Variants in GRID2 observed in about 807,000 individuals in gnomAD.
GRID2 encodes the protein glutamate ionotropic receptor delta type subunit 2.
A neutral mutation model predicts 114.8 loss-of-function variants in GRID2; 33 were observed. The ratio of observed to expected loss-of-function variants is 0.29; its 90% CI spans 0.22 to 0.38. GRID2 has a LOEUF of 0.38. GRID2 is among the 10% of genes least tolerant of loss of function. The pLI, the probability that GRID2 is intolerant of heterozygous loss-of-function variation, is 1.00. For missense variants in GRID2, 1,184 were observed against 1,257.7 expected (o/e 0.94, Z 0.89); for synonymous variants, 505 against 449.9 (o/e 1.12, Z -1.55).
intron 14 of GRID2, among the ~76,000 whole-genome samples, chr4:93,715,287 T>G (rs1294631851): frequency 2.0e-5 from 3 of 152,186 alleles, no homozygotes; most frequent in Non-Finnish European, 4.4e-5. Flanking sequence ...TCCATCGGTC[T>G]ATGTGTCTTT....
chr4:93,614,512 T>C (rs980001560), intron 13 of GRID2, among the ~76,000 whole-genome samples: 1 of 152,146 alleles, frequency 6.6e-6, no homozygotes, highest in Non-Finnish European at 1.5e-5. Context: ...ATATGTTTTA[T>C]TACTTTAACA....
intron 11 of GRID2, among the ~76,000 whole-genome samples, chr4:93,470,993 T>G (rs1022899494): frequency 1.3e-5 from 2 of 152,074 alleles, no homozygotes; most frequent in African/African-American, 4.8e-5. Flanking sequence ...TTTTGTCTAA[T>G]CTATTTTACA....
At chr4:93,674,809 ATTTG>A (rs138162523) in intron 14 of GRID2, among the ~76,000 whole-genome samples, 4,009 of 152,188 alleles carry the variant, frequency 0.026, 71 homozygotes, top group Non-Finnish European at 0.039. Flanking sequence ...TGAGTTTGAA[ATTTG>A]TTTGATTTTT....
chr4:93,134,258 A>T (rs1313012902), intron 4 of GRID2, among the ~76,000 whole-genome samples: 1 of 152,182 alleles, frequency 6.6e-6, no homozygotes, highest in Admixed American at 6.6e-5. Flanking sequence ...GGGTCAGATG[A>T]ATATTGTTTA....
intron 14 of GRID2, among the ~76,000 whole-genome samples, chr4:93,658,835 C>T (rs1350818115): frequency 1.3e-5 from 2 of 152,128 alleles, no homozygotes; most frequent in Non-Finnish European, 2.9e-5. Context: ...TATAGGGAAA[C>T]TGAACGAAGC....
intron 4 of GRID2, among the ~76,000 whole-genome samples, chr4:93,162,349 C>T (rs1438336449): frequency 2.0e-5 from 3 of 151,822 alleles, no homozygotes; most frequent in Non-Finnish European, 4.4e-5. Flanking sequence ...AATTTTCATG[C>T]CTATTAGTGA....
chr4:92,387,563 A>G (rs1246946487), intron 1 of GRID2, among the ~76,000 whole-genome samples: 2 of 151,892 alleles, frequency 1.3e-5, no homozygotes, highest in Non-Finnish European at 2.9e-5. Flanking sequence ...TAGATGGGAG[A>G]CTATGCTGTG....
intron 9 of GRID2, 66 bp from the exon 10 acceptor site, chr4:93,422,705 G>C: frequency 1.0e-6 from 1 of 974,020 alleles, no homozygotes; most frequent in South Asian, 1.4e-5. Context: ...ACTCTTTAAA[G>C]AATTAATCTT....
chr4:93,298,472 T>G (rs1315905885), intron 8 of GRID2, among the ~76,000 whole-genome samples: 2 of 152,192 alleles, frequency 1.3e-5, no homozygotes, highest in African/African-American at 4.8e-5. Flanking sequence ...TCATGAGGGC[T>G]TCACCTAAAT....
chr4:93,569,141 G>C (rs1735705626), intron 13 of GRID2, among the ~76,000 whole-genome samples: 1 of 152,098 alleles, frequency 6.6e-6, no homozygotes, highest in Non-Finnish European at 1.5e-5. Flanking sequence ...CAAACTCTGA[G>C]GCATCACTTA....
chr4:92,704,343 G>T (rs969122923), intron 2 of GRID2, among the ~76,000 whole-genome samples: 5 of 152,054 alleles, frequency 3.3e-5, no homozygotes, highest in Non-Finnish European at 4.4e-5. Flanking sequence ...GGAAGAATTT[G>T]GTATTGAGAG....
chr4:92,330,077 G>T (rs17316960), intron 1 of GRID2, among the ~76,000 whole-genome samples: 6,005 of 151,720 alleles, frequency 0.04, 143 homozygotes, highest in Non-Finnish European at 0.055. Flanking sequence ...GTAGCCAACA[G>T]TGAGGCAGGC....
chr4:92,663,796 T>C (rs1732637251), intron 2 of GRID2, among the ~76,000 whole-genome samples: 1 of 151,004 alleles, frequency 6.6e-6, no homozygotes, highest in Admixed American at 6.6e-5. Flanking sequence ...TAAATCTCTA[T>C]CCTCCTGTCC....
intron 1 of GRID2, among the ~76,000 whole-genome samples, chr4:92,542,647 T>G (rs1407600674): frequency 1.3e-5 from 2 of 149,798 alleles, no homozygotes; most frequent in African/African-American, 2.5e-5. Context: ...GGAAGGGAGG[T>G]GAGGGATAAA....
intron 1 of GRID2, among the ~76,000 whole-genome samples, chr4:92,394,215 T>C (rs1273843829): frequency 6.6e-6 from 1 of 152,152 alleles, no homozygotes; most frequent in Non-Finnish European, 1.5e-5. Context: ...TCATCTGCAA[T>C]TCCACTTTTT....
chr4:92,527,820 T>C (rs1725118861), intron 1 of GRID2, among the ~76,000 whole-genome samples: 1 of 152,046 alleles, frequency 6.6e-6, no homozygotes, highest in Non-Finnish European at 1.5e-5. Context: ...CAAACTTTAC[T>C]AAATAATATT....
chr4:93,795,805 C>A (rs539144761), intron 1 of GRID2, among the ~76,000 whole-genome samples: 1 of 152,208 alleles, frequency 6.6e-6, no homozygotes, highest in Non-Finnish European at 1.5e-5. Flanking sequence ...CATGTGAAAA[C>A]CAAAGGTAGA....
chr4:93,767,715 G>A (rs992261964), intron 14 of GRID2, among the ~76,000 whole-genome samples: 3 of 152,068 alleles, frequency 2.0e-5, no homozygotes, highest in African/African-American at 4.8e-5. Context: ...CCTTTATCAT[G>A]TTGCTTGTTC....
At chr4:93,477,941 C>T (rs1469991111) in intron 11 of GRID2, among the ~76,000 whole-genome samples, 1 of 152,050 alleles carries the variant, frequency 6.6e-6, no homozygotes, top group Non-Finnish European at 1.5e-5. Context: ...GTATTACTCA[C>T]CCATATGTTC....
Sources: gnomAD v4.1 joint callset for allele counts (sites outside exome capture counted in the v4.1 genomes callset) on GRCh38, gnomAD v4.1.1 for gene constraint, MANE v1.5 for transcripts, NCBI Gene and HGNC (gene_info 2026-07-23, HGNC 2026-07-21) for gene names.